Variants in EEA1 observed in about 807,000 individuals in gnomAD.
EEA1 encodes the protein early endosome antigen 1.
In EEA1, 111 loss-of-function variants were observed where a neutral mutation model predicts 209.2. The ratio of observed to expected loss-of-function variants is 0.53; its 90% CI spans 0.45 to 0.62. The LOEUF (loss-of-function observed/expected upper bound fraction) is 0.62, where lower values mean the gene tolerates loss of function less well. Ranked by LOEUF, EEA1 falls within the 20% of genes least tolerant of loss-of-function variation. The pLI is 0.00. For missense variants in EEA1, 1,343 were observed against 1,530.8 expected (o/e 0.88, Z 2.05); for synonymous variants, 536 against 540.6 (o/e 0.99, Z 0.12).
At chr12:92,884,607 A>G (rs1483612171) in intron 2 of EEA1, 11 of 1,418,908 alleles carry the variant, frequency 7.8e-6, no homozygotes, top group Middle Eastern at 2.4e-4. Context: ...CCTGGCCCCT[A>G]TGGTGGTGGA....
Position 92,778,093 on chromosome 12 carries a change from A to G in EEA1, c.3741T>C (p.Asn1247=). The G allele has an allele frequency of 6.2e-7, 1 of 1,613,532 alleles. No homozygotes were observed. Among genetic ancestry groups the G allele is most frequent in the Non-Finnish European group, 8.5e-7 (1 of 1,179,604 alleles). The change falls in exon 26 of 29, where the codon AAT becomes AAC. Residue 1247 remains asparagine (N), a synonymous_variant. Transcript: ENST00000322349. The part of the protein sequence containing the change: ...AKLTMQITAL[N]ENLGTVKKEW... ...CCTTCTTCACAGTGCCTAAGTTTTC[A>G]TTTAATGCTGTAATCTGCATGGTAA...
At position 92,775,980 on chromosome 12, in the gene EEA1, T is replaced by C; in HGVS notation, c.*31A>G. 1.9e-6 allele frequency: 3 copies of C among 1,602,778 alleles called. No homozygotes were observed. The highest frequency in any genetic ancestry group is 2.6e-6 in the Non-Finnish European group (3 of 1,173,844). On this transcript the variant is annotated 3_prime_UTR_variant, in exon 29 of 29. Transcript: ENST00000322349. ...ACATTTATTAAAAATCTAATGTTAG[T>C]GTAATATTACTCTGAAGTTGTGATA... is the stretch of plus-strand genomic sequence containing the variant.
At position 92,802,631 on chromosome 12, in the gene EEA1, C is replaced by T. The variant is rs905384108; in HGVS notation, c.2443G>A (p.Asp815Asn). The T allele has an allele frequency of 1.9e-6, 3 of 1,604,876 alleles. No homozygotes were observed. The highest frequency in any genetic ancestry group is 1.7e-6 in the Non-Finnish European group (2 of 1,177,378). The part of the protein sequence containing the change: ...QEEEKKILKQ[D>N]FETLSQETKI... Reference sequence around the variant, plus strand: ...GTTTCTTGACTTAAAGTTTCAAAATCTTGTTTCAGGATTTTTTTTTCTTCC... The same window carrying T: ...GTTTCTTGACTTAAAGTTTCAAAATTTTGTTTCAGGATTTTTTTTTCTTCC... The change falls in exon 19 of 29, where the codon GAT becomes AAT. Residue 815 changes from aspartate to asparagine, a missense_variant. By Grantham distance (23) the Asp-to-Asn change is conservative. This residue lies in a region of EEA1 where 1,307 missense variants were observed against 1,465.5 expected (regional missense o/e 0.89). Transcript: ENST00000322349.
intron 1 of EEA1, among the ~76,000 whole-genome samples, chr12:92,893,131 T>A (rs1205070024): frequency 6.6e-6 from 1 of 152,240 alleles, no homozygotes. Flanking sequence ...ATTTATCACT[T>A]AGCATTATCA....
At chr12:92,798,844 A>T (rs752262297) in intron 21 of EEA1, 48 bp downstream of exon 21, 1 of 1,412,488 alleles carries the variant, frequency 7.1e-7, no homozygotes, top group Admixed American at 2.4e-5. Flanking sequence ...CTATTTTCTT[A>T]ATTGCCAAGT....
chr12:92,808,743 A>G (rs1289580176), intron 18 of EEA1, among the ~76,000 whole-genome samples: 1 of 152,232 alleles, frequency 6.6e-6, no homozygotes, highest in Non-Finnish European at 1.5e-5. Context: ...AACAAGGTTT[A>G]TGCCAGAGAA....
At chr12:92,833,248 T>G (rs1876744534) in intron 10 of EEA1, among the ~76,000 whole-genome samples, 1 of 152,234 alleles carries the variant, frequency 6.6e-6, no homozygotes, top group South Asian at 2.1e-4. Flanking sequence ...AATTTCATAG[T>G]TGGTAAGAGC....
At chr12:92,910,004 G>A (rs1277152204) in intron 1 of EEA1, among the ~76,000 whole-genome samples, 6 of 152,006 alleles carry the variant, frequency 3.9e-5, no homozygotes. Context: ...TTAGCCAGGT[G>A]TGGTAGCAGC....
chr12:92,776,047 A>G lies in EEA1; in HGVS notation c.4200T>C (p.Arg1400=). 1 of 1,611,738 alleles carries G rather than the reference A, an allele frequency of 6.2e-7. No homozygotes were observed. Among genetic ancestry groups the G allele is most frequent in the Non-Finnish European group, 8.5e-7 (1 of 1,178,434 alleles). ...AGTCATTGAAACATGCATCACAGAC[A>G]CGAACAGGCTTCTTGGAGGAAGGAG... ...ALTPSSKKPV[R]VCDACFNDLQ... The change falls in exon 29 of 29, where the codon CGT becomes CGC. Residue 1400 remains arginine (R), a synonymous_variant. Transcript: ENST00000322349.
At chr12:92,859,974 C>CA (rs1016590748) in intron 3 of EEA1, among the ~76,000 whole-genome samples, 2 of 152,008 alleles carry the variant, frequency 1.3e-5, no homozygotes, top group Non-Finnish European at 2.9e-5. Context: ...AGCCTGACAT[C>CA]AAAAAAAGGC....
chr12:92,805,615 C>T (rs117610281), intron 18 of EEA1, among the ~76,000 whole-genome samples: 1 of 152,266 alleles, frequency 6.6e-6, no homozygotes, highest in East Asian at 1.9e-4. Context: ...TTGGGTGGAA[C>T]TGATTTTTAT....
chr12:92,922,951 T>G (rs1319637997), intron 1 of EEA1, among the ~76,000 whole-genome samples: 1 of 129,494 alleles, frequency 7.7e-6, no homozygotes, highest in East Asian at 2.1e-4. Context: ...AGAGCAAAAC[T>G]CCACCTCAAA....
chr12:92,830,895 A>G, intron 11 of EEA1, among the ~76,000 whole-genome samples: 1 of 152,196 alleles, frequency 6.6e-6, no homozygotes, highest in African/African-American at 2.4e-5. Flanking sequence ...GCAAGAAGGA[A>G]GGCAGATCAG....
intron 1 of EEA1, among the ~76,000 whole-genome samples, chr12:92,899,419 G>A (rs1279456201): frequency 2.0e-5 from 3 of 152,218 alleles, no homozygotes; most frequent in Non-Finnish European, 4.4e-5. Context: ...CTGCCTCAGC[G>A]TGGTCGCTGA....
chr12:92,884,114 A>C, intron 2 of EEA1: 2 of 1,197,136 alleles, frequency 1.7e-6, no homozygotes, highest in Non-Finnish European at 2.5e-6. Flanking sequence ...GGCATTAAAC[A>C]ATGAAGAACA....
Position 92,857,502 on chromosome 12 carries a change from G to A in EEA1, c.246-17C>T, listed in dbSNP as rs771309495. 1.9e-6 allele frequency: 3 copies of A among 1,544,554 alleles called. No individual in the cohort carries two copies. Among genetic ancestry groups the A allele is most frequent in the Middle Eastern group, 2.2e-4 (1 of 4,532 alleles). Reference sequence around the variant, plus strand: ...ACATCATCTCTAAATAAAAATGGGAGGAAGGAATTAATAGTCAATGTCCTT... The same window carrying A: ...ACATCATCTCTAAATAAAAATGGGAAGAAGGAATTAATAGTCAATGTCCTT... On this transcript the variant is annotated splice_polypyrimidine_tract_variant and intron_variant, in intron 3 of 28. Transcript: ENST00000322349.
intron 3 of EEA1, chr12:92,858,188 G>A (rs1295378328): frequency 1.5e-6 from 1 of 684,790 alleles, no homozygotes. Flanking sequence ...TCTGTGACCA[G>A]ATCAGTGAGG....
intron 2 of EEA1, 50 bp downstream of exon 2, chr12:92,891,579 C>T (rs762532837): frequency 1.8e-4 from 244 of 1,355,098 alleles, no homozygotes; most frequent in Middle Eastern, 9.2e-4. Context: ...CAAATATTTG[C>T]TCATTTTCCC....
chr12:92,928,955 C>T, intron 1 of EEA1, 88 bp downstream of exon 1: 2 of 1,421,190 alleles, frequency 1.4e-6, no homozygotes, highest in South Asian at 2.6e-5. Flanking sequence ...AGGAAGGAGC[C>T]CGCGCTGAGG....
Sources: allele counts gnomAD v4.1 joint callset (sites outside exome capture counted in the v4.1 genomes callset), GRCh38; gene constraint gnomAD v4.1.1; regional missense constraint gnomAD v4.1.1; transcripts MANE v1.5; gene names NCBI Gene and HGNC (gene_info 2026-07-23, HGNC 2026-07-21).